ABLIM1: variants seen among roughly 807,000 people sequenced by gnomAD.
ABLIM1 encodes actin binding LIM protein 1, also known as actin-binding LIM protein 1.
A neutral mutation model predicts 107.0 loss-of-function variants in ABLIM1; 40 were observed. The observed-to-expected ratio is 0.37, with a 90% CI of 0.29 to 0.49. The LOEUF (loss-of-function observed/expected upper bound fraction) is 0.49, where lower values mean the gene tolerates loss of function less well. ABLIM1 is among the 20% of genes least tolerant of loss of function. ABLIM1 has a pLI of 0.97. For synonymous variants in ABLIM1, 357 were observed against 357.3 expected, an observed-to-expected ratio of 1.00 and a Z score of 0.01; for missense variants, 857 against 1,008.5, an observed-to-expected ratio of 0.85 and a Z score of 2.04.
At chr10:114,461,546 T>C (rs543009913) in intron 12 of ABLIM1, among the ~76,000 whole-genome samples, 1 of 152,092 alleles carries the variant, frequency 6.6e-6, no homozygotes, top group Non-Finnish European at 1.5e-5. Flanking sequence ...CGGCTGAGCA[T>C]GATAGCTCAC....
Position 114,601,982 on chromosome 10 carries a change from G to C in ABLIM1, c.245-21C>G, listed in dbSNP as rs1170504905. 6.8e-6 allele frequency: 11 copies of C among 1,613,438 alleles called. No individual in the cohort carries two copies. In the Admixed American group the frequency reaches 1.3e-4, roughly 20 times the overall value. On this transcript the variant is annotated intron_variant, in intron 1 of 22. Transcript: ENST00000533213. ...GGCCACTGAAAGAAAATCAACAAAA[G>C]ATCCAGGTGAGTAGAGAGCATTCCT...
intron 11 of ABLIM1, among the ~76,000 whole-genome samples, 184 bp from the exon 12 acceptor site, chr10:114,466,011 A>G (rs1260499487): frequency 6.6e-6 from 1 of 152,164 alleles, no homozygotes; most frequent in Non-Finnish European, 1.5e-5. Flanking sequence ...TGGCTAATAT[A>G]TTTTGTTCAA....
the ABLIM1 span, among the ~76,000 whole-genome samples, chr10:114,798,724 A>G: frequency 6.6e-6 from 1 of 152,114 alleles, no homozygotes; most frequent in African/African-American, 2.4e-5. Flanking sequence ...CTGGGTGACA[A>G]AGCAAGACCC....
At chr10:114,511,519 C>G (rs936905879) in intron 6 of ABLIM1, among the ~76,000 whole-genome samples, 18 of 151,840 alleles carry the variant, frequency 1.2e-4, no homozygotes, top group Non-Finnish European at 2.6e-4. Flanking sequence ...GCATGCACCA[C>G]CACACCCAGC....
At position 114,457,345 on chromosome 10, in the gene ABLIM1, T is replaced by G. The variant is rs943377794; in HGVS notation, c.1442-3862A>C. ...AGTGCAGTGGTGCAGTCTCGGCTCA[T>G]TGTAACCTCCGCCTCCCAGGTTCAA... On this transcript the variant is annotated intron_variant, in intron 12 of 22. Coordinates refer to ENST00000533213, the MANE Select transcript of ABLIM1 (RefSeq NM_002313.7). Among the ~76,000 whole-genome samples, 3 of 152,174 alleles carry G rather than the reference T, an allele frequency of 2.0e-5. No individual in the cohort carries two copies. In the East Asian group the frequency reaches 5.8e-4, roughly 29 times the overall value.
chr10:114,728,624 A>T (rs958858730), intron 1 of ABLIM1, among the ~76,000 whole-genome samples: 1 of 151,604 alleles, frequency 6.6e-6, no homozygotes, highest in Non-Finnish European at 1.5e-5. Flanking sequence ...AACAAAAAGC[A>T]AGCTGTGGAT....
At chr10:114,626,056 G>A (rs1397877808) in intron 1 of ABLIM1, among the ~76,000 whole-genome samples, 1 of 152,174 alleles carries the variant, frequency 6.6e-6, no homozygotes, top group Non-Finnish European at 1.5e-5. Flanking sequence ...GACTTGAGGA[G>A]AACCCCGCAT....
chr10:114,436,436 A>G, intron 22 of ABLIM1, 63 bp from the exon 23 acceptor site: 3 of 1,258,838 alleles, frequency 2.4e-6, no homozygotes, highest in Non-Finnish European at 1.1e-6. Flanking sequence ...AATGGCCTTG[A>G]GCGTTGCTCT....
intron 1 of ABLIM1, among the ~76,000 whole-genome samples, chr10:114,754,494 T>C (rs191715475): frequency 6.6e-6 from 1 of 152,264 alleles, no homozygotes; most frequent in East Asian, 1.9e-4. Context: ...GTTCAGTGTG[T>C]TGGATGCTAA....
intron 1 of ABLIM1, among the ~76,000 whole-genome samples, chr10:114,762,221 G>A (rs2082764662): frequency 2.6e-5 from 4 of 152,022 alleles, no homozygotes. Flanking sequence ...TTTTAGTAGA[G>A]ATGGGGTTTC....
intron 6 of ABLIM1, among the ~76,000 whole-genome samples, chr10:114,520,161 T>C (rs2063514104): frequency 6.6e-6 from 1 of 152,164 alleles, no homozygotes; most frequent in African/African-American, 2.4e-5. Context: ...ACCTCAACTC[T>C]CTATAGACAG....
At chr10:114,468,382 C>G in intron 10 of ABLIM1, 166 bp from the exon 11 acceptor site, 3 of 597,546 alleles carry the variant, frequency 5.0e-6, no homozygotes, top group Non-Finnish European at 9.1e-6. Flanking sequence ...TCAAGCGATT[C>G]TCCTGCCTCA....
At position 114,503,447 on chromosome 10, in the gene ABLIM1, G is replaced by GA. The variant is rs1244074539; in HGVS notation, c.895-11570dup. Among the ~76,000 whole-genome samples, 8 of 147,054 alleles carry GA rather than the reference G, an allele frequency of 5.4e-5. No individual in the cohort carries two copies. The East Asian group carries it at 7.8e-4, about 14-fold the overall frequency. ...GCCTGGAACAGAAAGAGATGTCTCC[G>GA]AAAAAAAAGAAAAAAAATTGGTTTT... is the stretch of plus-strand genomic sequence containing the variant. On this transcript the variant is annotated intron_variant, in intron 6 of 22. Coordinates refer to ENST00000533213, the MANE Select transcript of ABLIM1 (RefSeq NM_002313.7).
chr10:114,549,749 T>G (rs2067816210), intron 4 of ABLIM1, among the ~76,000 whole-genome samples: 1 of 152,216 alleles, frequency 6.6e-6, no homozygotes, highest in African/African-American at 2.4e-5. Flanking sequence ...TAAATTATAG[T>G]ATAGTTGATA....
At chr10:114,669,286 AG>A (rs34519624) in intron 1 of ABLIM1, among the ~76,000 whole-genome samples, 1 of 152,376 alleles carries the variant, frequency 6.6e-6, no homozygotes, top group African/African-American at 2.4e-5. Context: ...TACCCTGTCA[AG>A]GAAAGGGAGA....
intron 2 of ABLIM1, among the ~76,000 whole-genome samples, chr10:114,580,927 G>C (rs749415733): frequency 3.3e-5 from 5 of 152,090 alleles, no homozygotes; most frequent in Admixed American, 6.6e-5. Flanking sequence ...AAAAAATAGG[G>C]CTTCTAGTGA....
intron 6 of ABLIM1, among the ~76,000 whole-genome samples, chr10:114,527,549 T>C (rs1329921033): frequency 6.6e-6 from 1 of 152,188 alleles, no homozygotes; most frequent in Non-Finnish European, 1.5e-5. Context: ...CTGCAGGCTC[T>C]CTATGCATGT....
At chr10:114,671,476 A>G (rs1015207057) in intron 1 of ABLIM1, among the ~76,000 whole-genome samples, 1 of 152,220 alleles carries the variant, frequency 6.6e-6, no homozygotes, top group Non-Finnish European at 1.5e-5. Context: ...ACACACACGG[A>G]TGTATCATAC....
At chr10:114,767,802 T>C (rs2142758276) in intron 1 of ABLIM1, among the ~76,000 whole-genome samples, 1 of 152,078 alleles carries the variant, frequency 6.6e-6, no homozygotes, top group East Asian at 2.0e-4. Flanking sequence ...CCCCCACGCC[T>C]CCCAGCCCAG....
Sources: gnomAD v4.1 joint callset for allele counts (sites outside exome capture counted in the v4.1 genomes callset) on GRCh38, gnomAD v4.1.1 for gene constraint, MANE v1.5 for transcripts, NCBI Gene and HGNC (gene_info 2026-07-23, HGNC 2026-07-21) for gene names.